The following TMEM40 variants were observed in gnomAD, a reference collection of about 807,000 sequenced individuals.
The protein encoded by TMEM40 is transmembrane protein 40.
TMEM40 carries 34 observed loss-of-function variants against 40.8 expected under a neutral mutation model. The ratio of observed to expected loss-of-function variants is 0.83; its 90% CI spans 0.63 to 1.11. The LOEUF is 1.11. Ranked by LOEUF, TMEM40 falls within the 50% of genes least tolerant of loss-of-function variation. The pLI is 0.00. For missense variants in TMEM40, 296 were observed against 280.2 expected (o/e 1.06, Z -0.40); for synonymous variants, 106 against 107.0 (o/e 0.99, Z 0.06).
intron 1 of TMEM40, among the ~76,000 whole-genome samples, chr3:12,764,412 G>C (rs1394259215): frequency 2.0e-5 from 3 of 152,206 alleles, no homozygotes; most frequent in Non-Finnish European, 4.4e-5. Context: ...CTTCACTCAG[G>C]TCTCCCTGAC....
upstream of TMEM40, among the ~76,000 whole-genome samples, chr3:12,760,975 C>T (rs1307116078): frequency 2.0e-5 from 3 of 152,198 alleles, no homozygotes; most frequent in Non-Finnish European, 2.9e-5. Flanking sequence ...TAGCCTCAAG[C>T]GATCCTCCGG....
chr3:12,744,051 C>A, intron 3 of TMEM40, 62 bp from the exon 4 acceptor site: 2 of 1,515,618 alleles, frequency 1.3e-6, no homozygotes, highest in Non-Finnish European at 1.8e-6. Context: ...GGAATGCGTT[C>A]ATTCTGGTGG....
intron 1 of TMEM40, among the ~76,000 whole-genome samples, chr3:12,750,464 G>C (rs1488569134): frequency 1.3e-5 from 2 of 152,138 alleles, no homozygotes; most frequent in Non-Finnish European, 2.9e-5. Context: ...TTTTAATGGA[G>C]CCCATGTGCT....
chr3:12,753,211 C>CTTTTTTTTTTTTTTTTTTTTTTTTTTT (rs56739791), intron 1 of TMEM40, among the ~76,000 whole-genome samples: 6 of 76,292 alleles, frequency 7.9e-5, no homozygotes, highest in African/African-American at 3.3e-4. Context: ...TTCTTTCTTT[C>CTTTTTTTTTTTTTTTTTTTTTTTTTTT]TTTTTTTTTT....
chr3:12,746,669 A>G (rs1158021971), intron 3 of TMEM40, among the ~76,000 whole-genome samples: 1 of 152,152 alleles, frequency 6.6e-6, no homozygotes, highest in Non-Finnish European at 1.5e-5. Flanking sequence ...CAGTCACCGT[A>G]GGATCAGGGA....
chr3:12,740,731 A>G (rs1017997317), intron 5 of TMEM40, among the ~76,000 whole-genome samples: 6 of 151,906 alleles, frequency 3.9e-5, no homozygotes, highest in Admixed American at 6.6e-5. Flanking sequence ...GGTGTCGCAT[A>G]CATGTAGTCC....
intron 7 of TMEM40, 26 bp from the exon 8 acceptor site, chr3:12,737,780 T>C: frequency 6.2e-7 from 1 of 1,609,064 alleles, no homozygotes. Flanking sequence ...GAGATGAATA[T>C]TTAACTTTGA....
chr3:12,745,739 G>A (rs973026841), intron 3 of TMEM40, among the ~76,000 whole-genome samples: 1 of 152,164 alleles, frequency 6.6e-6, no homozygotes, highest in Non-Finnish European at 1.5e-5. Context: ...GTGAGCCACT[G>A]TGCCCAGCCT....
At chr3:12,743,853 A>G in intron 4 of TMEM40, 47 bp downstream of exon 4, 1 of 1,573,244 alleles carries the variant, frequency 6.4e-7, no homozygotes, top group Middle Eastern at 1.7e-4. Context: ...GAGAAACTCA[A>G]CGGTGAGCGA....
At chr3:12,752,394 G>C (rs2061484630) in intron 1 of TMEM40, among the ~76,000 whole-genome samples, 1 of 152,170 alleles carries the variant, frequency 6.6e-6, no homozygotes, top group South Asian at 2.1e-4. Flanking sequence ...CTATCTGCCA[G>C]GCAAGGTTCT....
upstream of TMEM40, among the ~76,000 whole-genome samples, chr3:12,763,016 C>T (rs1251453696): frequency 2.0e-5 from 3 of 151,782 alleles, no homozygotes; most frequent in African/African-American, 7.3e-5. Flanking sequence ...AAAAATTAGC[C>T]GGGCGTGGTG....
Position 12,734,708 on chromosome 3 carries a change from G to A in TMEM40, c.*66C>T, listed in dbSNP as rs2106603251. 6.5e-7 allele frequency: 1 copy of A among 1,548,212 alleles called. No homozygotes were observed. Among genetic ancestry groups the A allele is most frequent in the Admixed American group, 1.9e-5 (1 of 53,124 alleles). ...TCTCTCAGAATGCTGCTCTGCCCTT[G>A]TGGGCTCAGGGGTCGCAGTGGTGGT... On this transcript the variant is annotated 3_prime_UTR_variant, in exon 12 of 12. Transcript: ENST00000314124.
intron 1 of TMEM40, among the ~76,000 whole-genome samples, chr3:12,765,222 T>C (rs2061588814): frequency 1.3e-5 from 2 of 152,348 alleles, no homozygotes; most frequent in South Asian, 4.1e-4. Flanking sequence ...CTCATTCTGA[T>C]TTGTGCAAAA....
intron 5 of TMEM40, 141 bp from the exon 6 acceptor site, chr3:12,738,729 G>T: frequency 1.2e-6 from 1 of 844,378 alleles, no homozygotes; most frequent in Non-Finnish European, 1.9e-6. Context: ...CCGGCTGGAG[G>T]GTTCCTGTTC....
At position 12,737,731 on chromosome 3, in the gene TMEM40, T is replaced by C. The variant is rs1339511174; in HGVS notation, c.448A>G (p.Arg150Gly). Residue 150 changes from arginine (R) to glycine (G), a missense_variant, in exon 8 of 12, where the codon AGA becomes GGA. By Grantham distance (125) the Arg-to-Gly change is moderately radical (BLOSUM62 -2). Coordinates refer to ENST00000314124, the MANE Select transcript of TMEM40 (RefSeq NM_018306.4). ...ASGEVEASQL[R>G]RLNIKKDDEF... ...CCATCTTTCTTTATATTCAGTCTTC[T>C]TAACTGAGAGGCCTCCACTTCTCCT... is the stretch of plus-strand genomic sequence containing the variant. The C allele has an allele frequency of 6.2e-7, 1 of 1,614,106 alleles. No homozygotes were observed. The highest frequency in any genetic ancestry group is 2.2e-5 in the East Asian group (1 of 44,890).
intron 4 of TMEM40, 75 bp from the exon 5 acceptor site, chr3:12,742,582 C>CG (rs1559526854): frequency 6.4e-7 from 1 of 1,550,834 alleles, no homozygotes; most frequent in East Asian, 2.3e-5. Context: ...CCCATGGCTT[C>CG]GACGCTTAAG....
At chr3:12,769,341 T>G (rs991208769) in exon 1 of TMEM40, 2 of 286,404 alleles carry the variant, frequency 7.0e-6, no homozygotes, top group South Asian at 4.6e-5. Flanking sequence ...GCTCCTCAAG[T>G]GCGGCCAGAG....
At chr3:12,755,213 T>TACTTTC (rs1233789779) in intron 1 of TMEM40, among the ~76,000 whole-genome samples, 1 of 94,264 alleles carries the variant, frequency 1.1e-5, no homozygotes. Flanking sequence ...CTTTCTTTCT[T>TACTTTC]TCTCTCTCTC....
chr3:12,736,189 C>G (rs1473864149), intron 10 of TMEM40, among the ~76,000 whole-genome samples: 1 of 147,134 alleles, frequency 6.8e-6, no homozygotes, highest in Non-Finnish European at 1.5e-5. Context: ...CGCTCTGTTG[C>G]CCAGGCTGGA....
Sources: allele counts gnomAD v4.1 joint callset (sites outside exome capture counted in the v4.1 genomes callset), GRCh38; gene constraint gnomAD v4.1.1; transcripts MANE v1.5; gene names NCBI Gene and HGNC (gene_info 2026-07-23, HGNC 2026-07-21).